NEK10: variants seen among roughly 807,000 people sequenced by gnomAD.
NEK10 encodes NIMA related kinase 10.
A neutral mutation model predicts 159.8 loss-of-function variants in NEK10; 122 were observed. The ratio of observed to expected loss-of-function variants is 0.76; its 90% CI spans 0.66 to 0.89. The LOEUF (loss-of-function observed/expected upper bound fraction) is 0.89, where lower values mean the gene tolerates loss of function less well. Among genes scored for constraint, NEK10 ranks in the 40% least tolerant of loss-of-function variants. The probability of loss-of-function intolerance (pLI) is 0.00; values close to 1 mark genes in which losing one functional copy is unlikely to be tolerated. For missense variants in NEK10, 1,342 were observed against 1,323.1 expected, an observed-to-expected ratio of 1.01 and a Z score of -0.22; for synonymous variants, 466 against 457.1, an observed-to-expected ratio of 1.02 and a Z score of -0.25.
intron 13 of NEK10, among the ~76,000 whole-genome samples, chr3:27,300,554 A>G (rs529048549): frequency 1.3e-5 from 2 of 152,176 alleles, no homozygotes; most frequent in Non-Finnish European, 2.9e-5. Flanking sequence ...GAGATACTAC[A>G]TATCTATGTG....
At chr3:27,226,358 AAAAG>A (rs1173681594) in intron 23 of NEK10, among the ~76,000 whole-genome samples, 27 of 152,062 alleles carry the variant, frequency 1.8e-4, no homozygotes, top group Middle Eastern at 3.4e-3. Context: ...GTTTTTAAAA[AAAAG>A]AAAGAAAGAA....
chr3:27,279,423 A>T (rs765769355), intron 22 of NEK10, among the ~76,000 whole-genome samples: 1 of 152,180 alleles, frequency 6.6e-6, no homozygotes, highest in Non-Finnish European at 1.5e-5. Context: ...CACAGGCTCT[A>T]CTAATTGCAG....
At chr3:27,193,627 G>A (rs1423642570) in intron 25 of NEK10, among the ~76,000 whole-genome samples, 1 of 28,188 alleles carries the variant, frequency 3.5e-5, no homozygotes, top group Non-Finnish European at 8.0e-5. Context: ...TTTTTTTTTT[G>A]CCCATGGTAT....
chr3:27,309,352 G>A (rs1297454758), intron 9 of NEK10: 1 of 154,940 alleles, frequency 6.5e-6, no homozygotes, highest in East Asian at 1.9e-4. Context: ...ATAGAATAGT[G>A]AAAAAAATTA....
At chr3:27,338,584 CTAAGT>C (rs1197572701) in intron 5 of NEK10, among the ~76,000 whole-genome samples, 9 of 152,142 alleles carry the variant, frequency 5.9e-5, no homozygotes, top group African/African-American at 1.4e-4. Flanking sequence ...TCTCCACATC[CTAAGT>C]TATTTCCTGA....
chr3:27,286,635 C>CA (rs2042637609), intron 20 of NEK10, among the ~76,000 whole-genome samples: 1 of 148,128 alleles, frequency 6.8e-6, no homozygotes, highest in Non-Finnish European at 1.5e-5. Context: ...AGTGATTCGC[C>CA]AGCCTCGGCC....
intron 1 of NEK10, among the ~76,000 whole-genome samples, chr3:27,366,563 C>T (rs11707188): frequency 0.32 from 48,706 of 151,866 alleles, 9,809 homozygotes; most frequent in East Asian, 0.74. Context: ...ATTTGTTGCA[C>T]TGTCTTTTGG....
Position 27,299,411 on chromosome 3 carries a change from T to C in NEK10, c.1169-2171A>G, listed in dbSNP as rs915280846. Among the ~76,000 whole-genome samples the C allele has an allele frequency of 5.9e-5, 9 of 152,334 alleles. No individual in the cohort carries two copies. In the East Asian group the frequency reaches 1.7e-3, roughly 29 times the overall value. On this transcript the variant is annotated intron_variant, in intron 13 of 35. Transcript: ENST00000691995. ...CTAGATTTCAGAGGATGTATGGAAA[T>C]GCCTGGATGCCCAGGCAGAAGTTTG...
chr3:27,177,054 G>A (rs1359558529), intron 26 of NEK10, among the ~76,000 whole-genome samples: 1 of 152,116 alleles, frequency 6.6e-6, no homozygotes, highest in Non-Finnish European at 1.5e-5. Flanking sequence ...TAAGGACGCT[G>A]GACTTGCAAT....
In NEK10 at chr3:27,204,286, T is replaced by TTTTTGTTG. The variant is rs1160172323; in HGVS notation, c.2091-1730_2091-1729insCAACAAAA. ...AAAAGATAAATTTTCTTTTTTTTTT[T>TTTTTGTTG]TTTTTTTTGTTGTTGTTTTTTTTTT... On this transcript the variant is annotated intron_variant, in intron 23 of 35. Transcript: ENST00000691995. Among the ~76,000 whole-genome samples, 138 of 112,194 alleles carry TTTTTGTTG rather than the reference T, an allele frequency of 1.2e-3. 1 individual carries two copies. The highest frequency in any genetic ancestry group is 2.1e-3 in the Non-Finnish European group (114 of 55,068). The allele number at this position is 112,194 out of a possible 152,430, so 73.6% of individuals were successfully genotyped here.
intron 1 of NEK10, among the ~76,000 whole-genome samples, chr3:27,354,235 T>G (rs1345236558): frequency 2.6e-5 from 4 of 152,184 alleles, no homozygotes; most frequent in Non-Finnish European, 1.5e-5. Context: ...CTCACAGGCT[T>G]CTTCTGCTAG....
chr3:27,241,000 G>C (rs1954498351), intron 23 of NEK10, among the ~76,000 whole-genome samples: 1 of 151,998 alleles, frequency 6.6e-6, no homozygotes, highest in African/African-American at 2.4e-5. Flanking sequence ...GCCTGGTATT[G>C]CTATTTTGTT....
At chr3:27,150,661 A>G (rs889540853) in intron 30 of NEK10, among the ~76,000 whole-genome samples, 4 of 152,220 alleles carry the variant, frequency 2.6e-5, no homozygotes, top group Admixed American at 1.3e-4. Flanking sequence ...GGTACAGGAT[A>G]TTAATGTTGT....
At chr3:27,169,564 C>T (rs1359317839) in intron 29 of NEK10, among the ~76,000 whole-genome samples, 3 of 152,234 alleles carry the variant, frequency 2.0e-5, no homozygotes, top group Admixed American at 2.0e-4. Flanking sequence ...AGGCTCCACC[C>T]TAACTCCTCC....
chr3:27,156,977 T>C (rs889473915), intron 30 of NEK10, among the ~76,000 whole-genome samples: 2 of 103,592 alleles, frequency 1.9e-5, no homozygotes, highest in Admixed American at 2.2e-4. Context: ...TATATATATA[T>C]ATGATGAAAT....
intron 14 of NEK10, 110 bp from the exon 15 acceptor site, chr3:27,295,800 A>G (rs1467030882): frequency 2.2e-6 from 3 of 1,350,862 alleles, no homozygotes; most frequent in East Asian, 2.7e-5. Flanking sequence ...AAATATTAGT[A>G]TAACTATGGA....
At chr3:27,222,289 C>G (rs1952194159) in intron 23 of NEK10, among the ~76,000 whole-genome samples, 2 of 152,212 alleles carry the variant, frequency 1.3e-5, no homozygotes. Context: ...GGGAGAATTA[C>G]TTGAACCTGA....
chr3:27,250,702 A>T lies in NEK10; in HGVS notation c.2090+5594T>A, dbSNP rs115117433. On this transcript the variant is annotated intron_variant, in intron 23 of 35. Transcript: ENST00000691995. ...CACCAGATATACTATTCTGGGGTAA[A>T]TTTTTTTTTTCCTTCAGCACTTTCA... Among the ~76,000 whole-genome samples, 1,338 of 149,712 alleles carry T rather than the reference A, an allele frequency of 8.9e-3. 24 individuals are homozygous for T. Among genetic ancestry groups the T allele is most frequent in the African/African-American group, 0.03 (1,239 of 40,780 alleles).
intron 5 of NEK10, among the ~76,000 whole-genome samples, chr3:27,337,279 C>T (rs6772745): frequency 0.77 from 116,758 of 151,888 alleles, 47,799 homozygotes; most frequent in East Asian, 0.94. Context: ...AGGTAAAAGA[C>T]GTCTACAAGG....
Sources: allele counts gnomAD v4.1 joint callset (sites outside exome capture counted in the v4.1 genomes callset), GRCh38; gene constraint gnomAD v4.1.1; transcripts MANE v1.5; gene names NCBI Gene and HGNC (gene_info 2026-07-23, HGNC 2026-07-21).